The following GPC5 variants were observed in gnomAD, a reference collection of about 807,000 sequenced individuals.
GPC5 encodes glypican 5, also known as glypican-5.
GPC5 carries 47 observed loss-of-function variants against 53.9 expected under a neutral mutation model. The ratio of observed to expected loss-of-function variants is 0.87; its 90% CI spans 0.69 to 1.11. The LOEUF (loss-of-function observed/expected upper bound fraction) is 1.11. GPC5 is among the 50% of genes most tolerant of loss of function. GPC5 has a pLI of 0.00. For synonymous variants in GPC5, 286 were observed against 263.3 expected, an observed-to-expected ratio of 1.09 and a Z score of -0.84; for missense variants, 748 against 713.1, an observed-to-expected ratio of 1.05 and a Z score of -0.56.
At chr13:92,645,188 C>G (rs934740823) in intron 7 of GPC5, among the ~76,000 whole-genome samples, 1 of 152,162 alleles carries the variant, frequency 6.6e-6, no homozygotes, top group African/African-American at 2.4e-5. Context: ...CTTCTGGGCC[C>G]AGGCTGGAGT....
intron 3 of GPC5, among the ~76,000 whole-genome samples, chr13:91,708,432 C>T (rs1405968743): frequency 6.6e-6 from 1 of 152,010 alleles, no homozygotes; most frequent in Admixed American, 6.6e-5. Flanking sequence ...CAAAAGACCG[C>T]ATATTGTAAG....
intron 7 of GPC5, among the ~76,000 whole-genome samples, chr13:92,506,107 A>G (rs1002103877): frequency 3.9e-5 from 6 of 152,144 alleles, no homozygotes. Flanking sequence ...GGTCAATTTT[A>G]TTGAGTATTA....
intron 7 of GPC5, among the ~76,000 whole-genome samples, chr13:92,845,505 A>G (rs1056712105): frequency 6.6e-6 from 1 of 152,176 alleles, no homozygotes; most frequent in Non-Finnish European, 1.5e-5. Context: ...CTCAAGAGTC[A>G]GCCTTTTTGT....
At chr13:91,399,844 A>G (rs1876793344) in intron 1 of GPC5, among the ~76,000 whole-genome samples, 1 of 152,140 alleles carries the variant, frequency 6.6e-6, no homozygotes, top group African/African-American at 2.4e-5. Flanking sequence ...TTTTAGCCTG[A>G]AAAGTGTTAG....
intron 7 of GPC5, among the ~76,000 whole-genome samples, chr13:92,419,100 A>G (rs770486431): frequency 3.9e-5 from 6 of 152,184 alleles, no homozygotes; most frequent in Non-Finnish European, 7.4e-5. Context: ...GGAAGCATTT[A>G]AGACTAGTTA....
chr13:92,254,486 T>C (rs2042713402), intron 7 of GPC5, among the ~76,000 whole-genome samples: 1 of 152,048 alleles, frequency 6.6e-6, no homozygotes, highest in South Asian at 2.1e-4. Flanking sequence ...TAGAAAGGAA[T>C]TGTTGATTTT....
chr13:91,767,094 A>T (rs2037540178), intron 5 of GPC5, among the ~76,000 whole-genome samples: 1 of 152,132 alleles, frequency 6.6e-6, no homozygotes, highest in Non-Finnish European at 1.5e-5. Flanking sequence ...TGTAAGACAA[A>T]GGCATATGCA....
intron 7 of GPC5, among the ~76,000 whole-genome samples, chr13:92,351,971 G>A (rs951485155): frequency 5.3e-5 from 8 of 152,096 alleles, no homozygotes; most frequent in African/African-American, 1.9e-4. Context: ...TGATTTTAAG[G>A]TTTTTGTGGA....
At chr13:92,039,232 T>C (rs2040922535) in intron 6 of GPC5, among the ~76,000 whole-genome samples, 1 of 152,198 alleles carries the variant, frequency 6.6e-6, no homozygotes, top group African/African-American at 2.4e-5. Flanking sequence ...TAAAGAAAAG[T>C]TGTTATTATG....
At chr13:91,956,253 T>G (rs76213086) in intron 6 of GPC5, among the ~76,000 whole-genome samples, 1 of 151,990 alleles carries the variant, frequency 6.6e-6, no homozygotes, top group African/African-American at 2.4e-5. Flanking sequence ...GAGTGCTTTT[T>G]CCAGGAGCAG....
At chr13:92,021,390 T>C (rs2040756986) in intron 6 of GPC5, among the ~76,000 whole-genome samples, 1 of 152,198 alleles carries the variant, frequency 6.6e-6, no homozygotes. Flanking sequence ...AGACAAATCC[T>C]GTGTGATTCC....
At chr13:92,186,690 G>A (rs2042186070) in intron 7 of GPC5, among the ~76,000 whole-genome samples, 1 of 152,176 alleles carries the variant, frequency 6.6e-6, no homozygotes, top group Non-Finnish European at 1.5e-5. Flanking sequence ...TGACTGCATC[G>A]TCAAGGATTG....
intron 7 of GPC5, among the ~76,000 whole-genome samples, chr13:92,223,806 A>G (rs1835840015): frequency 1.3e-5 from 2 of 152,204 alleles, no homozygotes; most frequent in South Asian, 4.1e-4. Flanking sequence ...AAAAGCAAAT[A>G]ACAATAAAAC....
rs186704476 is a variant in GPC5, at chr13:92,816,863, A to C, written c.1562-49419A>C. On this transcript the variant is annotated intron_variant, in intron 7 of 7. Coordinates refer to ENST00000377067, the MANE Select transcript of GPC5 (RefSeq NM_004466.6). ...TGAATCTCTGAAATATGTAAACTCC[A>C]TGTCCAGTTTCCACAGATAATTGAC... Among the ~76,000 whole-genome samples the C allele has an allele frequency of 4.6e-5, 7 of 152,040 alleles. No individual in the cohort carries two copies. The East Asian group carries it at 5.8e-4, about 13-fold the overall frequency.
At chr13:92,433,502 G>A (rs1030900454) in intron 7 of GPC5, among the ~76,000 whole-genome samples, 7 of 152,172 alleles carry the variant, frequency 4.6e-5, no homozygotes, top group South Asian at 2.1e-4. Flanking sequence ...GATTATAATG[G>A]CAGAGCTAGT....
chr13:91,852,807 C>T (rs2038929053), intron 5 of GPC5, among the ~76,000 whole-genome samples: 1 of 152,058 alleles, frequency 6.6e-6, no homozygotes, highest in Admixed American at 6.5e-5. Flanking sequence ...TATATGTGAT[C>T]CATTGTTAGC....
chr13:92,803,078 G>T (rs529999367), intron 7 of GPC5, among the ~76,000 whole-genome samples: 1 of 151,838 alleles, frequency 6.6e-6, no homozygotes, highest in Non-Finnish European at 1.5e-5. Context: ...TTAGGAAAAT[G>T]GAAAAGGAAA....
At chr13:92,847,312 G>T (rs917885083) in intron 7 of GPC5, among the ~76,000 whole-genome samples, 3 of 152,140 alleles carry the variant, frequency 2.0e-5, no homozygotes, top group Non-Finnish European at 4.4e-5. Context: ...TTTACCTCAA[G>T]TTCCCTGGGA....
intron 4 of GPC5, among the ~76,000 whole-genome samples, chr13:91,741,627 T>TA (rs1056336364): frequency 4.6e-5 from 7 of 152,238 alleles, no homozygotes; most frequent in East Asian, 3.9e-4. Context: ...GAGTTTATAA[T>TA]AAAAAAACAT....
Sources: allele counts gnomAD v4.1 joint callset (sites outside exome capture counted in the v4.1 genomes callset), GRCh38; gene constraint gnomAD v4.1.1; transcripts MANE v1.5; gene names NCBI Gene and HGNC (gene_info 2026-07-23, HGNC 2026-07-21).